The following RIMBP2 variants were observed in gnomAD, a reference collection of about 807,000 sequenced individuals.
RIMBP2 encodes RIMS binding protein 2.
A neutral mutation model predicts 118.6 loss-of-function variants in RIMBP2; 48 were observed. That is an observed-to-expected ratio of 0.40 (90% CI 0.32 to 0.51). The LOEUF is 0.51. RIMBP2 is among the 20% of genes least tolerant of loss of function. RIMBP2 has a pLI of 0.41. For synonymous variants in RIMBP2, 762 were observed against 742.9 expected, an observed-to-expected ratio of 1.03 and a Z score of -0.42; for missense variants, 1,551 against 1,768.3, an observed-to-expected ratio of 0.88 and a Z score of 2.20.
chr12:130,646,441 TGCCACCTCCCTC>T (rs1476419817), intron 1 of RIMBP2, among the ~76,000 whole-genome samples: 1 of 3,400 alleles, frequency 2.9e-4, no homozygotes, highest in African/African-American at 5.8e-4. Flanking sequence ...CCACCTCCCT[TGCCACCTCCCTC>T]GCCACCTCCC....
chr12:130,644,295 C>T (rs1214636469), intron 1 of RIMBP2, among the ~76,000 whole-genome samples: 3 of 152,176 alleles, frequency 2.0e-5, no homozygotes, highest in Admixed American at 6.5e-5. Flanking sequence ...CGTCCTGCCC[C>T]GTGGTTTTAG....
intron 11 of RIMBP2, 66 bp from the exon 12 acceptor site, chr12:130,438,582 G>T: frequency 7.1e-7 from 1 of 1,403,390 alleles, no homozygotes; most frequent in Non-Finnish European, 9.5e-7. Flanking sequence ...CCGTGACTGG[G>T]CTCTGCCCAT....
chr12:130,436,856 C>T lies in RIMBP2; in HGVS notation c.2092G>A (p.Ala698Thr). The change falls in exon 13 of 23, where the codon GCC becomes ACC. Residue 698 changes from alanine to threonine, a missense_variant. Transcript: ENST00000690449. ...AMAREAAQRV[A>T]ESSRLEKRSV... ...CCCAGCCTTACCCTGCTGCTCTCGG[C>T]CACCCTCTGCGCGGCCTCCCGGGCC... 1 of 1,484,374 alleles carries T rather than the reference C, an allele frequency of 6.7e-7. No homozygotes were observed. 92.0% of individuals were successfully genotyped at this position (1,484,374 alleles called of 1,614,324 possible). A position where few individuals can be genotyped will look rare whatever the true frequency, so the allele number is the denominator to read the frequency against.
intron 1 of RIMBP2, among the ~76,000 whole-genome samples, chr12:130,709,404 G>A (rs918811241): frequency 2.0e-5 from 3 of 152,242 alleles, no homozygotes; most frequent in African/African-American, 7.2e-5. Context: ...GCTGGGGCAG[G>A]TCTCTGGGCG....
chr12:130,463,604 T>C (rs2080199261), intron 6 of RIMBP2, among the ~76,000 whole-genome samples: 1 of 152,058 alleles, frequency 6.6e-6, no homozygotes, highest in Non-Finnish European at 1.5e-5. Context: ...GGGGTGGTTC[T>C]GAGAGCAAGG....
At chr12:130,489,119 A>G (rs1002898267) in intron 4 of RIMBP2, among the ~76,000 whole-genome samples, 2 of 152,220 alleles carry the variant, frequency 1.3e-5, no homozygotes, top group East Asian at 1.9e-4. Flanking sequence ...CAACTAAACA[A>G]TTAAATTCTT....
chr12:130,480,031 G>A (rs1411322238), intron 4 of RIMBP2, among the ~76,000 whole-genome samples: 5 of 151,956 alleles, frequency 3.3e-5, no homozygotes, highest in Admixed American at 3.3e-4. Context: ...GCAGCCTGCA[G>A]GAGGAAACAC....
At chr12:130,401,947 C>T (rs532426871) in intron 21 of RIMBP2, among the ~76,000 whole-genome samples, 1 of 152,154 alleles carries the variant, frequency 6.6e-6, no homozygotes, top group Non-Finnish European at 1.5e-5. Context: ...CGTGTGTACC[C>T]CAGCCTGCAG....
chr12:130,664,373 ATG>A (rs2063780185), intron 1 of RIMBP2, among the ~76,000 whole-genome samples: 4 of 148,928 alleles, frequency 2.7e-5, no homozygotes, highest in African/African-American at 1.0e-4. Context: ...ATGCACGTGC[ATG>A]CACGCACGCG....
intron 6 of RIMBP2, among the ~76,000 whole-genome samples, chr12:130,467,756 T>G (rs1269435437): frequency 6.6e-6 from 1 of 152,188 alleles, no homozygotes; most frequent in Non-Finnish European, 1.5e-5. Context: ...AATGTACATC[T>G]TATACTTATT....
rs2080840646 is a variant in RIMBP2 at position 130,469,801 on chromosome 12, A to C, written c.153+892T>G. On this transcript the variant is annotated intron_variant, in intron 6 of 22. Transcript: ENST00000690449. This position sits in a 1 kb window ranked among gnomAD's most constrained non-coding sequence, Gnocchi z 4.8. ...TCCAATATTGGCCTCACTTAAGGGA[A>C]CATTACCGGGAGGACGCCACCCCAG... Among the ~76,000 whole-genome samples the C allele has an allele frequency of 6.6e-6, 1 of 152,204 alleles. No homozygotes were observed. The highest frequency in any genetic ancestry group is 6.5e-5 in the Admixed American group (1 of 15,292).
chr12:130,525,842 T>C lies in RIMBP2; in HGVS notation c.-216-7925A>G, dbSNP rs1230230254. Reference sequence around the variant, plus strand: ...TCATCCAGTCCTCTCAGCACTGCCATGTGGCAGACATTCTTGCTATCCTGC... The same window carrying C: ...TCATCCAGTCCTCTCAGCACTGCCACGTGGCAGACATTCTTGCTATCCTGC... On this transcript the variant is annotated intron_variant, in intron 2 of 22. Transcript: ENST00000690449. The surrounding 1 kb of genome is among the most constrained non-coding windows in gnomAD (Gnocchi z 4.4). Among the ~76,000 whole-genome samples the C allele has an allele frequency of 1.3e-5, 2 of 152,166 alleles. No individual in the cohort carries two copies. Among genetic ancestry groups the C allele is most frequent in the African/African-American group, 4.8e-5 (2 of 41,432 alleles).
intron 6 of RIMBP2, among the ~76,000 whole-genome samples, chr12:130,461,796 T>C (rs1362650103): frequency 1.3e-5 from 2 of 152,122 alleles, no homozygotes; most frequent in Admixed American, 6.5e-5. Context: ...GATTGTAAGT[T>C]TCCCAAGGCC....
chr12:130,445,293 C>T, intron 9 of RIMBP2, 24 bp from the exon 10 acceptor site: 1 of 1,563,728 alleles, frequency 6.4e-7, no homozygotes, highest in Non-Finnish European at 8.8e-7. Flanking sequence ...ACAGTTCCTT[C>T]ATTAGAGGCT....
Position 130,414,360 on chromosome 12 carries a change from G to A in RIMBP2, c.3239-54C>T, listed in dbSNP as rs544220587. The A allele has an allele frequency of 1.2e-3, 1,824 of 1,496,930 alleles. 8 individuals are homozygous for A. Among genetic ancestry groups the A allele is most frequent in the South Asian group, 3.5e-3 (263 of 74,292 alleles). 92.7% of individuals were successfully genotyped at this position (1,496,930 alleles called of 1,614,324 possible). A position where few individuals can be genotyped will look rare whatever the true frequency, so the allele number is the denominator to read the frequency against. On this transcript the variant is annotated intron_variant, in intron 17 of 22. Transcript: ENST00000690449. The stretch of plus-strand genomic sequence containing the variant: ...GCGGCAGTGAGCCTAACTGAGGAGC[G>A]TGCACGGGAAATGCAGCTTTGGAAA...
At chr12:130,571,879 G>T (rs1372257363) in intron 2 of RIMBP2, among the ~76,000 whole-genome samples, 1 of 152,082 alleles carries the variant, frequency 6.6e-6, no homozygotes, top group Non-Finnish European at 1.5e-5. Flanking sequence ...GCCCACCTCG[G>T]GGCTGTACAT....
intron 21 of RIMBP2, among the ~76,000 whole-genome samples, chr12:130,402,375 T>C (rs535144933): frequency 6.6e-6 from 1 of 152,128 alleles, no homozygotes; most frequent in African/African-American, 2.4e-5. Flanking sequence ...TCTGTCCCTC[T>C]GACTGGCAGT....
In RIMBP2 at chr12:130,414,323, G is replaced by A; in HGVS notation, c.3239-17C>T. The A allele has an allele frequency of 1.3e-6, 2 of 1,565,296 alleles. No homozygotes were observed. The highest frequency in any genetic ancestry group is 2.3e-5 in the East Asian group (1 of 44,426). On this transcript the variant is annotated splice_polypyrimidine_tract_variant and intron_variant, in intron 17 of 22. Transcript: ENST00000690449. Reference sequence around the variant, plus strand: ...CGTAATCGTCTGCGAGCAAGTGGGGGTGAAGAACAGAGCGGCAGTGAGCCT... The same window carrying A: ...CGTAATCGTCTGCGAGCAAGTGGGGATGAAGAACAGAGCGGCAGTGAGCCT...
intron 1 of RIMBP2, chr12:130,667,845 G>A (rs930317179): frequency 1.3e-5 from 2 of 152,174 alleles, no homozygotes; most frequent in Non-Finnish European, 2.9e-5. Context: ...CCTTGCCAGT[G>A]ATAGATGGGG....
Sources: allele counts gnomAD v4.1 joint callset (sites outside exome capture counted in the v4.1 genomes callset), GRCh38; gene constraint gnomAD v4.1.1; non-coding constraint Gnocchi (gnomAD v3.1); transcripts MANE v1.5; gene names NCBI Gene and HGNC (gene_info 2026-07-23, HGNC 2026-07-21).